The following MTDH variants were observed in gnomAD, a reference collection of about 807,000 sequenced individuals.
The protein encoded by MTDH is protein LYRIC.
Under a neutral mutation model 72.7 loss-of-function variants are expected in MTDH, and 34 were observed. The ratio of observed to expected loss-of-function variants is 0.47; its 90% confidence interval spans 0.36 to 0.62. The LOEUF (loss-of-function observed/expected upper bound fraction) is 0.62. Among genes scored for constraint, MTDH ranks in the 20% least tolerant of loss-of-function variants. The probability of loss-of-function intolerance (pLI) is 0.00; values close to 1 mark genes in which losing one functional copy is unlikely to be tolerated. For missense variants in MTDH, 677 were observed against 699.4 expected, an observed-to-expected ratio of 0.97 and a Z score of 0.36; for synonymous variants, 266 against 268.9, an observed-to-expected ratio of 0.99 and a Z score of 0.10.
chr8:97,714,125 G>A (rs1163259732), intron 9 of MTDH, among the ~76,000 whole-genome samples: 2 of 152,178 alleles, frequency 1.3e-5, no homozygotes, highest in Non-Finnish European at 2.9e-5. Flanking sequence ...AAAACCATGT[G>A]TATAACAAGT....
chr8:97,662,836 G>C (rs1195064743), intron 2 of MTDH, among the ~76,000 whole-genome samples: 1 of 150,992 alleles, frequency 6.6e-6, no homozygotes, highest in Admixed American at 6.6e-5. Flanking sequence ...GTTTCTTAAT[G>C]CTTCCAATTT....
intron 2 of MTDH, among the ~76,000 whole-genome samples, chr8:97,664,610 G>C (rs1299522798): frequency 2.6e-5 from 4 of 152,070 alleles, no homozygotes; most frequent in Non-Finnish European, 5.9e-5. Flanking sequence ...AATGTGGTCA[G>C]GTCTAGGTGA....
In MTDH at chr8:97,729,687, G is replaced by T. The variant is rs570507397; in HGVS notation, c.*5017G>T. ...TGTTTTTTGTTTTTTTCTAGAGACA[G>T]AGTCTCGTTGCCCAGGCTGGTCTCC... On this transcript the variant is annotated 3_prime_UTR_variant, in exon 12 of 12. Transcript: ENST00000336273. Among the ~76,000 whole-genome samples the T allele has an allele frequency of 6.6e-6, 1 of 151,926 alleles. No individual in the cohort carries two copies. Among genetic ancestry groups the T allele is most frequent in the South Asian group, 2.1e-4 (1 of 4,804 alleles).
chr8:97,705,765 A>G (rs1005582766), intron 7 of MTDH, among the ~76,000 whole-genome samples: 1 of 152,242 alleles, frequency 6.6e-6, no homozygotes, highest in African/African-American at 2.4e-5. Flanking sequence ...AAACCTGACT[A>G]TAAGTAGATT....
chr8:97,667,666 A>G (rs538505022), intron 2 of MTDH, among the ~76,000 whole-genome samples: 2 of 152,286 alleles, frequency 1.3e-5, no homozygotes, highest in African/African-American at 4.8e-5. Flanking sequence ...GTTGCAAATG[A>G]TAACATGACT....
intron 6 of MTDH, among the ~76,000 whole-genome samples, chr8:97,694,963 C>G (rs1813771384): frequency 1.3e-5 from 2 of 152,048 alleles, no homozygotes; most frequent in South Asian, 4.1e-4. Context: ...TTCCCACTCT[C>G]ATTTTTAGCA....
At chr8:97,678,655 T>A (rs1429121469) in intron 2 of MTDH, among the ~76,000 whole-genome samples, 3 of 140,306 alleles carry the variant, frequency 2.1e-5, no homozygotes, top group Non-Finnish European at 4.6e-5. Context: ...CCCAGGCTGG[T>A]CTCGAACTCC....
chr8:97,661,245 G>C, intron 2 of MTDH, 72 bp downstream of exon 2: 1 of 1,155,724 alleles, frequency 8.7e-7, no homozygotes. Flanking sequence ...ATGCTTTTCT[G>C]TTTCATAAGA....
At chr8:97,700,738 A>G (rs1436060296) in intron 7 of MTDH, among the ~76,000 whole-genome samples, 1 of 152,226 alleles carries the variant, frequency 6.6e-6, no homozygotes, top group African/African-American at 2.4e-5. Context: ...AGTTGTGACA[A>G]GGGAAAGTTA....
At chr8:97,680,033 G>T (rs1813007587) in intron 2 of MTDH, among the ~76,000 whole-genome samples, 1 of 152,030 alleles carries the variant, frequency 6.6e-6, no homozygotes, top group South Asian at 2.1e-4. Flanking sequence ...TGTAATGGTG[G>T]ATCTAATGAT....
intron 7 of MTDH, among the ~76,000 whole-genome samples, chr8:97,705,406 C>G (rs149678524): frequency 0.044 from 6,681 of 151,754 alleles, 201 homozygotes; most frequent in Non-Finnish European, 0.066. Flanking sequence ...TCGAGACCAG[C>G]CTGGCCAACA....
intron 2 of MTDH, among the ~76,000 whole-genome samples, chr8:97,663,183 T>C (rs1470964962): frequency 2.0e-5 from 3 of 152,110 alleles, no homozygotes; most frequent in African/African-American, 7.2e-5. Flanking sequence ...CCCTGAAAAA[T>C]TTGTAGTTGC....
chr8:97,664,248 C>T (rs916026848), intron 2 of MTDH, among the ~76,000 whole-genome samples: 3 of 151,334 alleles, frequency 2.0e-5, no homozygotes, highest in East Asian at 1.9e-4. Context: ...CCCAGCTACT[C>T]GGGAGACTGA....
intron 1 of MTDH, among the ~76,000 whole-genome samples, chr8:97,649,645 C>A (rs527794836): frequency 6.6e-6 from 1 of 152,172 alleles, no homozygotes; most frequent in Admixed American, 6.6e-5. Flanking sequence ...TCACTTTGTC[C>A]CAGGCTGGAG....
intron 7 of MTDH, 74 bp downstream of exon 7, chr8:97,699,926 G>A (rs1030062638): frequency 1.1e-6 from 1 of 926,596 alleles, no homozygotes; most frequent in African/African-American, 1.7e-5. Context: ...CATGCTTTAT[G>A]TTTTAATTTT....
intron 9 of MTDH, among the ~76,000 whole-genome samples, chr8:97,715,118 G>A (rs1020051233): frequency 2.0e-5 from 3 of 150,902 alleles, no homozygotes; most frequent in Non-Finnish European, 2.9e-5. Context: ...GAACCACCAC[G>A]CCCAGCCTTA....
Position 97,726,429 on chromosome 8 carries a change from T to G in MTDH, c.*1759T>G, listed in dbSNP as rs1447130333. Reference sequence around the variant, plus strand: ...CTTTACATAGGTGTTGGAGGATTCCTAAGGTGTCAGCATTTTGTAAAGGTA... The same window carrying G: ...CTTTACATAGGTGTTGGAGGATTCCGAAGGTGTCAGCATTTTGTAAAGGTA... On this transcript the variant is annotated 3_prime_UTR_variant, in exon 12 of 12. Coordinates refer to ENST00000336273, the MANE Select transcript of MTDH (RefSeq NM_178812.4). The G allele has an allele frequency of 1.3e-5, 2 of 152,310 alleles. No homozygotes were observed. The highest frequency in any genetic ancestry group is 3.8e-4 in the East Asian group (2 of 5,196). The allele number at this position is 152,310 out of a possible 1,614,324, so 9.4% of individuals were successfully genotyped here. A position where few individuals can be genotyped will look rare whatever the true frequency, so the allele number is the denominator to read the frequency against.
chr8:97,676,102 G>A (rs1012905480), intron 2 of MTDH, among the ~76,000 whole-genome samples: 2 of 151,852 alleles, frequency 1.3e-5, no homozygotes, highest in East Asian at 1.9e-4. Context: ...ACCATGCCTG[G>A]TTAATTTTTG....
chr8:97,675,459 G>T (rs1160573854), intron 2 of MTDH, among the ~76,000 whole-genome samples: 1 of 151,848 alleles, frequency 6.6e-6, no homozygotes, highest in Non-Finnish European at 1.5e-5. Flanking sequence ...TACTCGGGAG[G>T]CTGAGGCACA....
Sources: allele counts gnomAD v4.1 joint callset (sites outside exome capture counted in the v4.1 genomes callset), GRCh38; gene constraint gnomAD v4.1.1; transcripts MANE v1.5; gene names NCBI Gene and HGNC (gene_info 2026-07-23, HGNC 2026-07-21).